Variants in CCBE1 observed in about 807,000 individuals in gnomAD.
The protein encoded by CCBE1 is collagen and calcium-binding EGF domain-containing protein 1.
A neutral mutation model predicts 50.0 loss-of-function variants in CCBE1; 37 were observed. The observed-to-expected ratio is 0.74, with a 90% CI of 0.57 to 0.97. The LOEUF (loss-of-function observed/expected upper bound fraction) is 0.97, where lower values mean the gene tolerates loss of function less well. CCBE1 is among the 50% of genes least tolerant of loss of function. The probability of loss-of-function intolerance (pLI) is 0.00; values close to 1 mark genes in which losing one functional copy is unlikely to be tolerated. For missense variants in CCBE1, 538 were observed against 523.8 expected, an observed-to-expected ratio of 1.03 and a Z score of -0.26; for synonymous variants, 234 against 203.7, an observed-to-expected ratio of 1.15 and a Z score of -1.27.
At chr18:59,655,104 C>T (rs1471628454) in intron 2 of CCBE1, among the ~76,000 whole-genome samples, 1 of 136,622 alleles carries the variant, frequency 7.3e-6, no homozygotes, top group Non-Finnish European at 1.6e-5. Context: ...AAAAAAAGCC[C>T]AGAGAAAACC....
At chr18:59,499,655 T>C (rs1160331250) in intron 2 of CCBE1, among the ~76,000 whole-genome samples, 1 of 152,190 alleles carries the variant, frequency 6.6e-6, no homozygotes, top group Non-Finnish European at 1.5e-5. Context: ...GCCCTCGTGA[T>C]TCAATTACCT....
chr18:59,442,637 A>G (rs1910486587), intron 7 of CCBE1, among the ~76,000 whole-genome samples: 1 of 152,156 alleles, frequency 6.6e-6, no homozygotes, highest in African/African-American at 2.4e-5. Context: ...CTGAGGCAGG[A>G]GAATCTCCTG....
At chr18:59,436,977 A>G (rs1023658682) in intron 10 of CCBE1, among the ~76,000 whole-genome samples, 1 of 152,220 alleles carries the variant, frequency 6.6e-6, no homozygotes, top group Non-Finnish European at 1.5e-5. Context: ...GTCTCAAAAA[A>G]AACAATGCTG....
At chr18:59,471,310 C>A (rs1230256690) in intron 3 of CCBE1, among the ~76,000 whole-genome samples, 1 of 152,172 alleles carries the variant, frequency 6.6e-6, no homozygotes, top group Admixed American at 6.5e-5. Context: ...ACTTGCATTG[C>A]TTTATTTTTA....
intron 6 of CCBE1, among the ~76,000 whole-genome samples, chr18:59,449,838 C>G (rs753026756): frequency 2.0e-5 from 3 of 152,170 alleles, no homozygotes; most frequent in Non-Finnish European, 2.9e-5. Context: ...CCTATTCCCC[C>G]CAGTCCTCTT....
chr18:59,521,302 T>G (rs74846503), intron 2 of CCBE1, among the ~76,000 whole-genome samples: 12 of 152,220 alleles, frequency 7.9e-5, no homozygotes, highest in African/African-American at 2.9e-4. Context: ...TTTCATGATT[T>G]CAACACAACT....
chr18:59,643,071 T>C (rs950191642), intron 2 of CCBE1, among the ~76,000 whole-genome samples: 4 of 152,114 alleles, frequency 2.6e-5, no homozygotes, highest in Non-Finnish European at 5.9e-5. Flanking sequence ...CACCACTGGA[T>C]GGCTGAGTGG....
chr18:59,499,092 G>T (rs186534904), intron 2 of CCBE1, among the ~76,000 whole-genome samples: 20 of 152,310 alleles, frequency 1.3e-4, no homozygotes, highest in Admixed American at 4.6e-4. Context: ...AGCACTGCTA[G>T]AAAGTCCAGT....
At chr18:59,457,178 G>T (rs1396086061) in intron 5 of CCBE1, among the ~76,000 whole-genome samples, 1 of 152,162 alleles carries the variant, frequency 6.6e-6, no homozygotes, top group Non-Finnish European at 1.5e-5. Flanking sequence ...TCTTGTTAAT[G>T]CCTGCTTTCT....
intron 2 of CCBE1, 192 bp downstream of exon 2, chr18:59,696,437 T>G: frequency 7.1e-7 from 1 of 1,401,696 alleles, no homozygotes; most frequent in South Asian, 1.4e-5. Flanking sequence ...GCAAAGTCAG[T>G]TGCTCAGTGT....
chr18:59,461,633 T>A (rs1009338850), intron 5 of CCBE1, among the ~76,000 whole-genome samples: 3 of 151,978 alleles, frequency 2.0e-5, no homozygotes, highest in African/African-American at 7.3e-5. Flanking sequence ...AGTAGAGTCA[T>A]ATCAGGTTTC....
Position 59,522,993 on chromosome 18 carries a change from C to CAAAAAAAA in CCBE1, c.213-42763_213-42756dup, listed in dbSNP as rs57217059. On this transcript the variant is annotated intron_variant, in intron 2 of 10. Coordinates refer to ENST00000439986, the MANE Select transcript of CCBE1 (RefSeq NM_133459.4). ...GGCAACAGAGTGAGAGACTCTGTTT[C>CAAAAAAAA]AAAAAAAAAAAAAAAAAAAATTCTC... Among the ~76,000 whole-genome samples, 10 of 89,216 alleles carry CAAAAAAAA rather than the reference C, an allele frequency of 1.1e-4. 1 individual carries two copies. Among genetic ancestry groups the CAAAAAAAA allele is most frequent in the Non-Finnish European group, 1.3e-4 (6 of 44,710 alleles). 58.5% of individuals were successfully genotyped at this position (89,216 alleles called of 152,430 possible).
At chr18:59,670,286 G>T (rs2054414522) in intron 2 of CCBE1, among the ~76,000 whole-genome samples, 1 of 151,990 alleles carries the variant, frequency 6.6e-6, no homozygotes, top group Non-Finnish European at 1.5e-5. Context: ...CTAAAGAAAT[G>T]GACACTCTTG....
intron 5 of CCBE1, chr18:59,465,767 G>A (rs1274826311): frequency 6.6e-6 from 1 of 151,884 alleles, no homozygotes; most frequent in East Asian, 2.0e-4. Context: ...ACCTTACAAG[G>A]AGATGTTTCA....
At position 59,683,361 on chromosome 18, in the gene CCBE1, A is replaced by G. The variant is rs2054617333; in HGVS notation, c.212+13268T>C. ...CACAACTCCTAAGATCACACAAGTC[A>G]TACATTTAAAAGGCTGAACAGTGGG... On this transcript the variant is annotated intron_variant, in intron 2 of 10. Coordinates refer to ENST00000439986, the MANE Select transcript of CCBE1 (RefSeq NM_133459.4). Among the ~76,000 whole-genome samples the G allele has an allele frequency of 3.3e-5, 5 of 152,370 alleles. No individual in the cohort carries two copies. The South Asian group carries it at 1.0e-3, about 32-fold the overall frequency.
chr18:59,530,614 A>T (rs1261878764), intron 2 of CCBE1, among the ~76,000 whole-genome samples: 2 of 152,144 alleles, frequency 1.3e-5, no homozygotes, highest in Non-Finnish European at 2.9e-5. Flanking sequence ...CCTTTATATG[A>T]TCCCAACTGT....
At chr18:59,544,571 T>C (rs1915609336) in intron 2 of CCBE1, among the ~76,000 whole-genome samples, 1 of 152,230 alleles carries the variant, frequency 6.6e-6, no homozygotes, top group African/African-American at 2.4e-5. Flanking sequence ...TCCTTCCCTT[T>C]CCCTTTCGAG....
intron 2 of CCBE1, among the ~76,000 whole-genome samples, chr18:59,577,953 T>C (rs2144501904): frequency 6.6e-6 from 1 of 152,166 alleles, no homozygotes; most frequent in South Asian, 2.1e-4. Flanking sequence ...AAGCCAAAAT[T>C]GACAAATGGG....
intron 2 of CCBE1, among the ~76,000 whole-genome samples, chr18:59,604,102 G>A (rs1191142894): frequency 6.6e-6 from 1 of 152,194 alleles, no homozygotes; most frequent in Non-Finnish European, 1.5e-5. Flanking sequence ...AAATAAGGAA[G>A]GATCCAATGG....
Sources: allele counts gnomAD v4.1 joint callset (sites outside exome capture counted in the v4.1 genomes callset), GRCh38; gene constraint gnomAD v4.1.1; transcripts MANE v1.5; gene names NCBI Gene and HGNC (gene_info 2026-07-23, HGNC 2026-07-21).